SENP7: variants seen among roughly 807,000 people sequenced by gnomAD.
The protein encoded by SENP7 is SUMO specific peptidase 7.
In SENP7, 64 loss-of-function variants were observed where a neutral mutation model predicts 141.2. The ratio of observed to expected loss-of-function variants is 0.45; its 90% CI spans 0.37 to 0.56. SENP7 has a LOEUF of 0.56. Ranked by LOEUF, SENP7 falls within the 20% of genes least tolerant of loss-of-function variation. The pLI, the probability that SENP7 is intolerant of heterozygous loss-of-function variation, is 0.00. For synonymous variants in SENP7, 382 were observed against 426.4 expected (o/e 0.90, Z 1.28); for missense variants, 1,025 against 1,212.2 (o/e 0.85, Z 2.29).
At chr3:101,483,503 A>T (rs1307274355) in intron 3 of SENP7, among the ~76,000 whole-genome samples, 1 of 152,146 alleles carries the variant, frequency 6.6e-6, no homozygotes, top group Non-Finnish European at 1.5e-5. Flanking sequence ...TTGAAAAACT[A>T]ACTATTGGAT....
At chr3:101,501,012 A>G (rs878888985) in intron 2 of SENP7, 58 bp downstream of exon 2, 19 of 1,168,288 alleles carry the variant, frequency 1.6e-5, no homozygotes, top group Non-Finnish European at 2.0e-5. Context: ...AAACAGCAAA[A>G]TACTTTCAAT....
intron 4 of SENP7, among the ~76,000 whole-genome samples, chr3:101,447,732 A>G (rs1466100965): frequency 1.3e-5 from 2 of 152,166 alleles, no homozygotes; most frequent in Non-Finnish European, 2.9e-5. Flanking sequence ...TGATAAGCTG[A>G]TTCTAAAATT....
chr3:101,497,303 T>G (rs544098798), intron 2 of SENP7, among the ~76,000 whole-genome samples: 1 of 152,338 alleles, frequency 6.6e-6, no homozygotes, highest in African/African-American at 2.4e-5. Flanking sequence ...GAACATATAT[T>G]TTTCTAGTCT....
chr3:101,502,203 G>C (rs1186764503), intron 1 of SENP7, among the ~76,000 whole-genome samples: 1 of 152,230 alleles, frequency 6.6e-6, no homozygotes, highest in African/African-American at 2.4e-5. Context: ...ACACGCATCT[G>C]TGAGATATGC....
At chr3:101,453,734 G>T (rs2063244236) in intron 4 of SENP7, among the ~76,000 whole-genome samples, 2 of 152,000 alleles carry the variant, frequency 1.3e-5, no homozygotes, top group Admixed American at 6.6e-5. Context: ...GGGCAGGGGG[G>T]AGGAATAGCA....
chr3:101,374,771 C>CAAAAA (rs58234121), intron 6 of SENP7, among the ~76,000 whole-genome samples: 2 of 106,726 alleles, frequency 1.9e-5, no homozygotes, highest in Non-Finnish European at 3.9e-5. Context: ...GGCTCTGTCT[C>CAAAAA]AAAAAAAAAA....
At chr3:101,447,816 C>T (rs1325291638) in intron 4 of SENP7, among the ~76,000 whole-genome samples, 1 of 151,726 alleles carries the variant, frequency 6.6e-6, no homozygotes, top group Non-Finnish European at 1.5e-5. Context: ...GTAAGACCCA[C>T]ACTTCCCAAT....
chr3:101,472,312 C>T (rs1354084118), intron 3 of SENP7, among the ~76,000 whole-genome samples: 1 of 142,112 alleles, frequency 7.0e-6, no homozygotes, highest in Non-Finnish European at 1.5e-5. Flanking sequence ...CCATGGAATA[C>T]TATGCAGCCT....
At chr3:101,512,977 C>T in intron 1 of SENP7, 114 bp downstream of exon 1, 1 of 1,223,962 alleles carries the variant, frequency 8.2e-7, no homozygotes, top group Non-Finnish European at 1.2e-6. Flanking sequence ...CTTCCTCTCC[C>T]CGCCCCCGCC....
chr3:101,326,484 G>A (rs1050114718), intron 23 of SENP7, among the ~76,000 whole-genome samples: 8 of 151,986 alleles, frequency 5.3e-5, no homozygotes, highest in East Asian at 1.9e-4. Flanking sequence ...TCAAAGTACC[G>A]TTAAGCATTC....
At chr3:101,392,845 G>C (rs2060853673) in intron 6 of SENP7, among the ~76,000 whole-genome samples, 1 of 152,178 alleles carries the variant, frequency 6.6e-6, no homozygotes, top group Admixed American at 6.5e-5. Context: ...ATAGCTGGGT[G>C]TGGTGGTACA....
chr3:101,472,107 A>C (rs912234662), intron 3 of SENP7, among the ~76,000 whole-genome samples: 1 of 152,238 alleles, frequency 6.6e-6, no homozygotes, highest in Non-Finnish European at 1.5e-5. Context: ...ATCCTCAAGG[A>C]TCTAGACCTG....
intron 6 of SENP7, among the ~76,000 whole-genome samples, chr3:101,382,094 C>T (rs2060518401): frequency 6.6e-6 from 1 of 152,190 alleles, no homozygotes; most frequent in Admixed American, 6.5e-5. Flanking sequence ...TCACTCAAGG[C>T]TAATTACCAA....
chr3:101,394,502 GT>G (rs1345169825), intron 6 of SENP7, among the ~76,000 whole-genome samples: 1 of 149,198 alleles, frequency 6.7e-6, no homozygotes, highest in Non-Finnish European at 1.5e-5. Flanking sequence ...CTATTTTTAT[GT>G]TTCTTTTTAA....
chr3:101,337,762 T>C (rs2059224555), intron 16 of SENP7, 131 bp from the exon 17 acceptor site: 3 of 760,490 alleles, frequency 3.9e-6, no homozygotes, highest in Admixed American at 3.4e-5. Flanking sequence ...CAGTTTCCTC[T>C]GATTTCAGCT....
intron 6 of SENP7, among the ~76,000 whole-genome samples, chr3:101,378,639 A>G (rs1314810737): frequency 2.0e-5 from 3 of 152,194 alleles, no homozygotes; most frequent in Non-Finnish European, 2.9e-5. Context: ...GGAAAAATGC[A>G]AAGCAATAAT....
At chr3:101,463,400 T>TATATATATATATATATATAC (rs769567759) in intron 3 of SENP7, among the ~76,000 whole-genome samples, 10 of 77,992 alleles carry the variant, frequency 1.3e-4, no homozygotes, top group African/African-American at 5.1e-4. Context: ...TATATATACA[T>TATATATATATATATATATAC]ATATATATAT....
rs528979975 is a variant in SENP7 at position 101,493,966 on chromosome 3, T to G, written c.93A>C (p.Ile31=). 1.4e-5 allele frequency: 22 copies of G among 1,581,936 alleles called. 1 individual carries two copies. The South Asian group carries it at 2.4e-4, about 18-fold the overall frequency. Residue 31 remains isoleucine, a splice_region_variant and synonymous_variant, in exon 3 of 24, where the codon ATA becomes ATC. Transcript: ENST00000394095. The stretch of plus-strand genomic sequence containing the variant: ...CTGGTTTTGCATTTAACATCTTTCT[T>G]ATCTGAAAATAGGATGAGAAAATAA... ...RKKSSSDLSE[I]RKMLNAKPED...
intron 8 of SENP7, 123 bp downstream of exon 8, chr3:101,367,707 C>A: frequency 1.6e-6 from 1 of 631,278 alleles, no homozygotes; most frequent in Non-Finnish European, 2.6e-6. Flanking sequence ...TAACAGTGAA[C>A]CAAAAACTAA....
Sources: allele counts gnomAD v4.1 joint callset (sites outside exome capture counted in the v4.1 genomes callset), GRCh38; gene constraint gnomAD v4.1.1; transcripts MANE v1.5; gene names NCBI Gene and HGNC (gene_info 2026-07-23, HGNC 2026-07-21).